ADCY9: variants seen among roughly 807,000 people sequenced by gnomAD.
The protein encoded by ADCY9 is adenylate cyclase type 9.
In ADCY9, 50 loss-of-function variants were observed where a neutral mutation model predicts 101.5. That is an observed-to-expected ratio of 0.49 (90% CI 0.39 to 0.62). The LOEUF (loss-of-function observed/expected upper bound fraction) is 0.62, where lower values mean the gene tolerates loss of function less well. Ranked by LOEUF, ADCY9 falls within the 20% of genes least tolerant of loss-of-function variation. The pLI is 0.00. For missense variants in ADCY9, 1,662 were observed against 1,800.4 expected (o/e 0.92, Z 1.39); for synonymous variants, 905 against 769.3 (o/e 1.18, Z -2.92).
rs75956466 is a variant in ADCY9, at chr16:4,024,894, A to T, written c.1694-17336T>A. Among the ~76,000 whole-genome samples, 225 of 152,236 alleles carry T rather than the reference A, an allele frequency of 1.5e-3. 2 individuals carry two copies. Among genetic ancestry groups the T allele is most frequent in the African/African-American group, 5.3e-3 (219 of 41,558 alleles). On this transcript the variant is annotated intron_variant, in intron 2 of 10. Transcript: ENST00000294016. ...CTGGTGACACGCTCAAGCGATAGGG[A>T]CAAGGAGGTGGCCATACCATGAAAT...
At chr16:4,043,090 G>A (rs1458120592) in intron 2 of ADCY9, among the ~76,000 whole-genome samples, 1 of 152,074 alleles carries the variant, frequency 6.6e-6, no homozygotes, top group East Asian at 1.9e-4. Flanking sequence ...AATTAGCCGG[G>A]CGTGGTGGCG....
At chr16:4,092,373 A>G (rs967227988) in intron 2 of ADCY9, among the ~76,000 whole-genome samples, 1 of 152,202 alleles carries the variant, frequency 6.6e-6, no homozygotes, top group Admixed American at 6.5e-5. Context: ...CTCCTACCAG[A>G]CGTTTCTTGG....
chr16:3,976,980 C>T (rs1023464673), intron 9 of ADCY9, among the ~76,000 whole-genome samples: 6 of 152,162 alleles, frequency 3.9e-5, no homozygotes, highest in Non-Finnish European at 7.3e-5. Context: ...TTGAAATAAG[C>T]CCCAGGTGAC....
rs2057146179 is a variant in ADCY9, at chr16:4,115,628, G to A, written c.-44+62C>T. The A allele has an allele frequency of 1.4e-6, 1 of 722,702 alleles. No homozygotes were observed. The highest frequency in any genetic ancestry group is 2.2e-6 in the Non-Finnish European group (1 of 461,026). 44.8% of individuals were successfully genotyped at this position (722,702 alleles called of 1,614,324 possible). A position where few individuals can be genotyped will look rare whatever the true frequency, so the allele number is the denominator to read the frequency against. On this transcript the variant is annotated intron_variant, in intron 1 of 10. Coordinates refer to ENST00000294016, the MANE Select transcript of ADCY9 (RefSeq NM_001116.4). The surrounding 1 kb of genome is among the most constrained non-coding windows in gnomAD (Gnocchi z 6.2). ...CTGTTCCTGTGGTTCCCGGCTCAGC[G>A]GTGCTCCCACCGCCCCCACCGCCCC...
chr16:3,988,821 C>T (rs1243030978), intron 6 of ADCY9, among the ~76,000 whole-genome samples, 173 bp downstream of exon 6: 2 of 152,168 alleles, frequency 1.3e-5, no homozygotes, highest in Non-Finnish European at 1.5e-5. Flanking sequence ...TTTTTTCCTC[C>T]TTTGCAAAGA....
intron 2 of ADCY9, among the ~76,000 whole-genome samples, chr16:4,099,089 C>T (rs1023314404): frequency 2.0e-5 from 3 of 152,040 alleles, no homozygotes; most frequent in East Asian, 1.9e-4. Flanking sequence ...TGCGCCACGA[C>T]ACCCGGCTAA....
chr16:4,036,576 C>G (rs2056591920), intron 2 of ADCY9, among the ~76,000 whole-genome samples: 1 of 149,938 alleles, frequency 6.7e-6, no homozygotes, highest in Non-Finnish European at 1.5e-5. Context: ...AATTCTCCTG[C>G]CTCAGCCTCC....
At chr16:4,064,398 G>C (rs1333774650) in intron 2 of ADCY9, among the ~76,000 whole-genome samples, 1 of 152,110 alleles carries the variant, frequency 6.6e-6, no homozygotes, top group Non-Finnish European at 1.5e-5. Flanking sequence ...ACTGAAGCTG[G>C]GTAACGTGTA....
At position 3,993,275 on chromosome 16, in the gene ADCY9, C is replaced by T. The variant is rs992899144; in HGVS notation, c.1989+131G>A. On this transcript the variant is annotated intron_variant, in intron 4 of 10. Transcript: ENST00000294016. ...CCGGTCTCTTCAACACCCGGAGGAC[C>T]CGCGGGTGCGGAGTGCTGTTACCCA... is the stretch of plus-strand genomic sequence containing the variant. 3 of 1,463,350 alleles carry T rather than the reference C, an allele frequency of 2.1e-6. No homozygotes were observed. In the South Asian group the frequency reaches 4.2e-5, roughly 20 times the overall value. The allele number at this position is 1,463,350 out of a possible 1,614,324, so 90.6% of individuals were successfully genotyped here.
At chr16:4,110,921 T>A (rs2057109804) in intron 2 of ADCY9, among the ~76,000 whole-genome samples, 1 of 152,196 alleles carries the variant, frequency 6.6e-6, no homozygotes. Flanking sequence ...CGGTCTGGCA[T>A]CTGAACCCCG....
intron 2 of ADCY9, among the ~76,000 whole-genome samples, chr16:4,062,475 C>G (rs2056778698): frequency 1.3e-5 from 2 of 152,260 alleles, no homozygotes; most frequent in South Asian, 4.1e-4. Context: ...AAGTTCTAAC[C>G]ATGTGCTGTC....
chr16:3,969,612 A>T (rs1387617911), intron 10 of ADCY9, among the ~76,000 whole-genome samples: 88 of 70,860 alleles, frequency 1.2e-3, no homozygotes, highest in Non-Finnish European at 1.9e-3. Context: ...ATATATATGT[A>T]TTTTTTTTTT....
intron 2 of ADCY9, among the ~76,000 whole-genome samples, chr16:4,084,283 T>C (rs1394615628): frequency 3.3e-5 from 5 of 151,882 alleles, no homozygotes; most frequent in African/African-American, 1.2e-4. Context: ...AGCTAATTTT[T>C]ATATTTTTAG....
At position 4,105,677 on chromosome 16, in the gene ADCY9, C is replaced by CA. The variant is rs35983934; in HGVS notation, c.1693+8072dup. On this transcript the variant is annotated intron_variant, in intron 2 of 10. Transcript: ENST00000294016. ...CCTGGGCAAGAGTGAGACTCCGTCT[C>CA]AAAAAAAAAAAAAAAAAAAAATTAG... Among the ~76,000 whole-genome samples, 156 of 81,614 alleles carry CA rather than the reference C, an allele frequency of 1.9e-3. 4 individuals carry two copies. Among genetic ancestry groups the CA allele is most frequent in the Non-Finnish European group, 2.1e-3 (84 of 39,312 alleles). 53.5% of individuals were successfully genotyped at this position (81,614 alleles called of 152,430 possible).
rs369541830 is a variant in ADCY9 at position 4,027,551 on chromosome 16, G to C, written c.1694-19993C>G. On this transcript the variant is annotated intron_variant, in intron 2 of 10. Coordinates refer to ENST00000294016, the MANE Select transcript of ADCY9 (RefSeq NM_001116.4). ...GTCTTCCATGACGGCAGGGAAGAGA[G>C]AGAGTGTGTGCAGGGGAACTCCTCT... 2.6e-5 allele frequency among the ~76,000 whole-genome samples: 4 copies of C among 152,322 alleles called. No individual in the cohort carries two copies. In the East Asian group the frequency reaches 7.7e-4, roughly 29 times the overall value.
chr16:4,102,655 C>T (rs2057050884), intron 2 of ADCY9, among the ~76,000 whole-genome samples: 1 of 152,158 alleles, frequency 6.6e-6, no homozygotes, highest in Non-Finnish European at 1.5e-5. Flanking sequence ...GAACTCCCGA[C>T]CTCAGGTGAT....
At chr16:4,078,566 A>T (rs1160025849) in intron 2 of ADCY9, among the ~76,000 whole-genome samples, 2 of 144,220 alleles carry the variant, frequency 1.4e-5, no homozygotes, top group Non-Finnish European at 3.1e-5. Context: ...AAAAAAGAAA[A>T]AAAAAAAAGA....
intron 2 of ADCY9, among the ~76,000 whole-genome samples, chr16:4,057,527 A>G (rs1357974671): frequency 2.0e-5 from 3 of 151,894 alleles, no homozygotes; most frequent in East Asian, 3.9e-4. Flanking sequence ...TTCTTTCCCA[A>G]CACCAGCCTC....
At chr16:3,981,230 C>T (rs1481869441) in intron 7 of ADCY9, among the ~76,000 whole-genome samples, 6 of 152,154 alleles carry the variant, frequency 3.9e-5, no homozygotes, top group African/African-American at 9.7e-5. Flanking sequence ...GCAGTTCCAG[C>T]GCACCTCACC....
Sources: gnomAD v4.1 joint callset for allele counts (sites outside exome capture counted in the v4.1 genomes callset) on GRCh38, gnomAD v4.1.1 for gene constraint, Gnocchi (gnomAD v3.1) non-coding constraint, MANE v1.5 for transcripts, NCBI Gene and HGNC (gene_info 2026-07-23, HGNC 2026-07-21) for gene names.